Variants in SLC8A3 observed in about 807,000 individuals in gnomAD.
SLC8A3 encodes the protein solute carrier family 8 member A3.
A neutral mutation model predicts 65.4 loss-of-function variants in SLC8A3; 37 were observed. The observed-to-expected ratio is 0.57, with a 90% CI of 0.44 to 0.74. The LOEUF (loss-of-function observed/expected upper bound fraction) is 0.74, where lower values mean the gene tolerates loss of function less well. SLC8A3 is among the 30% of genes least tolerant of loss of function. The probability of loss-of-function intolerance (pLI) is 0.00; values close to 1 mark genes in which losing one functional copy is unlikely to be tolerated. For synonymous variants in SLC8A3, 461 were observed against 444.5 expected, an observed-to-expected ratio of 1.04 and a Z score of -0.47; for missense variants, 1,112 against 1,172.1, an observed-to-expected ratio of 0.95 and a Z score of 0.75.
chr14:70,147,683 T>C (rs1412274674), intron 2 of SLC8A3, among the ~76,000 whole-genome samples: 1 of 152,116 alleles, frequency 6.6e-6, no homozygotes, highest in Non-Finnish European at 1.5e-5. Context: ...AGCCATGAGT[T>C]CTATAGCTGC....
chr14:70,183,428 C>T (rs1430764804), intron 1 of SLC8A3, among the ~76,000 whole-genome samples: 2 of 152,212 alleles, frequency 1.3e-5, no homozygotes, highest in Admixed American at 6.5e-5. Context: ...AATTCTAACC[C>T]TTCCAGGCTC....
chr14:70,092,240 G>A (rs540345961), intron 2 of SLC8A3, among the ~76,000 whole-genome samples: 8 of 151,996 alleles, frequency 5.3e-5, no homozygotes, highest in East Asian at 1.9e-4. Flanking sequence ...TTTCTGTCTC[G>A]GGTGCACTTC....
intron 2 of SLC8A3, among the ~76,000 whole-genome samples, chr14:70,145,941 AAGGAAGGAAGGAAAAG>A (rs941977244): frequency 6.6e-6 from 1 of 150,754 alleles, no homozygotes. Flanking sequence ...AGAAGGAAGG[AAGGAAGGAAGGAAAAG>A]AGGGAGGGAG....
rs955082456 is a variant in SLC8A3, at chr14:70,045,042, G to A, written c.*905C>T. 1.3e-5 allele frequency: 2 copies of A among 152,072 alleles called. No individual in the cohort carries two copies. Among genetic ancestry groups the A allele is most frequent in the African/African-American group, 2.4e-5 (1 of 41,396 alleles). The allele number at this position is 152,072 out of a possible 1,614,324, so 9.4% of individuals were successfully genotyped here. On this transcript the variant is annotated 3_prime_UTR_variant, in exon 7 of 7. Coordinates refer to ENST00000356921, the MANE Select transcript of SLC8A3 (RefSeq NM_182932.3). ...TTTTGTCCCATCTCTTCTATTTGGC[G>A]GGTCTTCCTGCAGAAGGATACACAA...
chr14:70,078,353 A>C (rs1890726736), intron 2 of SLC8A3, among the ~76,000 whole-genome samples: 1 of 152,220 alleles, frequency 6.6e-6, no homozygotes, highest in Non-Finnish European at 1.5e-5. Flanking sequence ...AGAGCATTAA[A>C]ATTAGGGTAC....
intron 2 of SLC8A3, among the ~76,000 whole-genome samples, chr14:70,072,355 C>T (rs560657035): frequency 3.3e-5 from 5 of 152,294 alleles, no homozygotes; most frequent in African/African-American, 1.2e-4. Flanking sequence ...AAAAGGATCA[C>T]TCACTCTGTT....
At chr14:70,067,220 T>C (rs971383024) in intron 2 of SLC8A3, among the ~76,000 whole-genome samples, 1 of 152,198 alleles carries the variant, frequency 6.6e-6, no homozygotes, top group South Asian at 2.1e-4. Flanking sequence ...CCTGATCGTT[T>C]GCGTCTCTGA....
At position 70,153,950 on chromosome 14, in the gene SLC8A3, T is replaced by C. The variant is rs190674851; in HGVS notation, c.1784+12689A>G. On this transcript the variant is annotated intron_variant, in intron 2 of 6. Transcript: ENST00000356921. ...CGGCCAAAGCATCATCTGTCGGTAGTTGCTGGTGATGAAGTGACACAAACA... is the reference window on the plus strand; with the variant it reads ...CGGCCAAAGCATCATCTGTCGGTAGCTGCTGGTGATGAAGTGACACAAACA... 7.9e-5 allele frequency among the ~76,000 whole-genome samples: 12 copies of C among 152,322 alleles called. No individual in the cohort carries two copies. In the East Asian group the frequency reaches 2.1e-3, roughly 27 times the overall value.
chr14:70,082,505 T>C (rs964603359), intron 2 of SLC8A3, among the ~76,000 whole-genome samples: 2 of 152,222 alleles, frequency 1.3e-5, no homozygotes, highest in African/African-American at 4.8e-5. Context: ...ATGTAAGCCC[T>C]GCATACAAGG....
chr14:70,136,162 G>A lies in SLC8A3; in HGVS notation c.1784+30477C>T, dbSNP rs887411793. ...GAAGTCAGAGACACACAAAGACAACGCCCTGTGACAACCAAGGCAGAGCTG... is the reference window on the plus strand; with the variant it reads ...GAAGTCAGAGACACACAAAGACAACACCCTGTGACAACCAAGGCAGAGCTG... On this transcript the variant is annotated intron_variant, in intron 2 of 6. Coordinates refer to ENST00000356921, the MANE Select transcript of SLC8A3 (RefSeq NM_182932.3). Among the ~76,000 whole-genome samples, 6 of 152,204 alleles carry A rather than the reference G, an allele frequency of 3.9e-5. No homozygotes were observed. In the South Asian group the frequency reaches 8.3e-4, roughly 21 times the overall value.
intron 2 of SLC8A3, among the ~76,000 whole-genome samples, chr14:70,163,042 C>G (rs906392497): frequency 1.1e-4 from 16 of 152,196 alleles, no homozygotes; most frequent in African/African-American, 3.6e-4. Flanking sequence ...ACAGTAAGAT[C>G]CTTGAGCGCT....
chr14:70,051,967 T>G (rs1887560444), intron 4 of SLC8A3, 23 bp downstream of exon 4: 2 of 1,605,024 alleles, frequency 1.2e-6, no homozygotes. Context: ...TATTATTCAA[T>G]TAGACCTCAC....
At chr14:70,073,099 A>G (rs945332423) in intron 2 of SLC8A3, among the ~76,000 whole-genome samples, 1 of 151,734 alleles carries the variant, frequency 6.6e-6, no homozygotes, top group Middle Eastern at 3.4e-3. Flanking sequence ...CCACTCTTCC[A>G]TAATAAAGAT....
chr14:70,052,099 T>C lies in SLC8A3; in HGVS notation c.1904A>G (p.Lys635Arg), dbSNP rs150612155. 204 of 1,600,172 alleles carry C rather than the reference T, an allele frequency of 1.3e-4. No individual in the cohort carries two copies. The African/African-American group carries it at 2.4e-3, about 19-fold the overall frequency. ...ERGISDVTDR[K>R]LTMEEEEAKR... is the part of the protein sequence containing the mutation. The stretch of plus-strand genomic sequence containing the variant: ...GGCCTCCTCTTCTTCCATAGTCAGC[T>C]TCCTGTCTGTCACATCTGCAACAAA... Residue 635 changes from lysine to arginine, a missense_variant, in exon 4 of 7, where the codon AAG (lysine) becomes AGG (arginine). Lys to Arg is a conservative substitution (Grantham distance 26). Coordinates refer to ENST00000356921, the MANE Select transcript of SLC8A3 (RefSeq NM_182932.3).
At chr14:70,136,581 C>A (rs1895217528) in intron 2 of SLC8A3, among the ~76,000 whole-genome samples, 1 of 152,200 alleles carries the variant, frequency 6.6e-6, no homozygotes, top group East Asian at 1.9e-4. Flanking sequence ...CACTGTTCTT[C>A]CAGCCCTTCA....
intron 2 of SLC8A3, among the ~76,000 whole-genome samples, chr14:70,123,878 T>C (rs1894256340): frequency 6.6e-6 from 1 of 152,214 alleles, no homozygotes; most frequent in South Asian, 2.1e-4. Flanking sequence ...CCTCAAATGT[T>C]AATTATCTTT....
chr14:70,122,632 T>A, intron 2 of SLC8A3, among the ~76,000 whole-genome samples: 1 of 152,172 alleles, frequency 6.6e-6, no homozygotes, highest in East Asian at 1.9e-4. Flanking sequence ...GCCTGGACCA[T>A]AACGGGTATT....
intron 3 of SLC8A3, 67 bp downstream of exon 3, chr14:70,060,769 T>C (rs887111113): frequency 1.3e-5 from 12 of 902,872 alleles, no homozygotes; most frequent in Non-Finnish European, 2.0e-5. Flanking sequence ...TTTTTGTTGT[T>C]GTTTTTCAGT....
intron 2 of SLC8A3, among the ~76,000 whole-genome samples, chr14:70,154,618 G>A (rs1449118846): frequency 6.6e-6 from 1 of 152,162 alleles, no homozygotes; most frequent in East Asian, 1.9e-4. Flanking sequence ...GGTATAGTCT[G>A]CTTAGGACTT....
Sources: allele counts gnomAD v4.1 joint callset (sites outside exome capture counted in the v4.1 genomes callset), GRCh38; gene constraint gnomAD v4.1.1; transcripts MANE v1.5; gene names NCBI Gene and HGNC (gene_info 2026-07-23, HGNC 2026-07-21).